SEPTIN9: variants seen among roughly 807,000 people sequenced by gnomAD.
SEPTIN9 encodes the protein septin 9, also known as septin-9.
In SEPTIN9, 13 loss-of-function variants were observed where a neutral mutation model predicts 56.6. That is an observed-to-expected ratio of 0.23 (90% CI 0.15 to 0.37). The LOEUF (loss-of-function observed/expected upper bound fraction) is 0.37, where lower values mean the gene tolerates loss of function less well. SEPTIN9 is among the 10% of genes least tolerant of loss of function. The pLI is 1.00. For synonymous variants in SEPTIN9, 332 were observed against 334.1 expected (o/e 0.99, Z 0.07); for missense variants, 650 against 823.1 (o/e 0.79, Z 2.57).
chr17:77,500,365 C>G lies in SEPTIN9; in HGVS notation c.*1707C>G, dbSNP rs952379040. The G allele has an allele frequency of 3.3e-5, 5 of 151,108 alleles. No homozygotes were observed. Among genetic ancestry groups the G allele is most frequent in the Admixed American group, 6.8e-5 (1 of 14,640 alleles). 9.4% of individuals were successfully genotyped at this position (151,108 alleles called of 1,614,324 possible). ...CCAGGCCATGTGGCCTGCCCAGCCT[C>G]AATGTCACTTGGTGGCGGGGTGGGG... On this transcript the variant is annotated 3_prime_UTR_variant, in exon 12 of 12. Transcript: ENST00000427177.
In SEPTIN9 at chr17:77,400,649, C is replaced by T; in HGVS notation, c.77-1410C>T. Reference sequence around the variant, plus strand: ...GCTATTATTGGGGGCTGGGGACCAGCTGTCATCCCTTTTCCTGTGGGCAGG... The same window carrying T: ...GCTATTATTGGGGGCTGGGGACCAGTTGTCATCCCTTTTCCTGTGGGCAGG... On this transcript the variant is annotated intron_variant, in intron 2 of 11. Coordinates refer to ENST00000427177, the MANE Select transcript of SEPTIN9 (RefSeq NM_001113491.2). The surrounding 1 kb of genome is among the most constrained non-coding windows in gnomAD (Gnocchi z 4.1). 1 of 152,510 alleles carries T rather than the reference C, an allele frequency of 6.6e-6. No homozygotes were observed. The highest frequency in any genetic ancestry group is 1.5e-5 in the Non-Finnish European group (1 of 68,174). The allele number at this position is 152,510 out of a possible 1,614,324, so 9.4% of individuals were successfully genotyped here.
At chr17:77,481,363 C>T (rs1055477985) in intron 3 of SEPTIN9, among the ~76,000 whole-genome samples, 3 of 152,024 alleles carry the variant, frequency 2.0e-5, no homozygotes, top group Admixed American at 6.5e-5. Flanking sequence ...ACAAGACGGC[C>T]GCCTGGGTCA....
At chr17:77,365,447 TTTTC>T (rs1260525294) in intron 2 of SEPTIN9, among the ~76,000 whole-genome samples, 1 of 152,104 alleles carries the variant, frequency 6.6e-6, no homozygotes, top group African/African-American at 2.4e-5. Flanking sequence ...CTTTCCTATC[TTTTC>T]TTTCTCTCTC....
intron 2 of SEPTIN9, among the ~76,000 whole-genome samples, chr17:77,385,482 G>C (rs543998447): frequency 6.6e-6 from 1 of 151,984 alleles, no homozygotes; most frequent in African/African-American, 2.4e-5. Context: ...GCCTCCCAAG[G>C]TTCCAGGATT....
At position 77,450,223 on chromosome 17, in the gene SEPTIN9, G is replaced by A. The variant is rs1008751385; in HGVS notation, c.722-31921G>A. On this transcript the variant is annotated intron_variant, in intron 3 of 11. Transcript: ENST00000427177. This position sits in a 1 kb window ranked among gnomAD's most constrained non-coding sequence, Gnocchi z 6.0. Reference sequence around the variant, plus strand: ...ACTGCTGGCTGGGGAGCCGCTGGACGTGGCTGGCCTGTTTGGCCAGTGTGG... The same window carrying A: ...ACTGCTGGCTGGGGAGCCGCTGGACATGGCTGGCCTGTTTGGCCAGTGTGG... Among the ~76,000 whole-genome samples, 3 of 152,152 alleles carry A rather than the reference G, an allele frequency of 2.0e-5. No homozygotes were observed. The highest frequency in any genetic ancestry group is 4.4e-5 in the Non-Finnish European group (3 of 68,004).
chr17:77,492,970 C>G lies in SEPTIN9; in HGVS notation c.1477-10C>G, dbSNP rs556203857. On this transcript the variant is annotated splice_polypyrimidine_tract_variant and intron_variant, in intron 9 of 11. Coordinates refer to ENST00000427177, the MANE Select transcript of SEPTIN9 (RefSeq NM_001113491.2). The surrounding 1 kb of genome is among the most constrained non-coding windows in gnomAD (Gnocchi z 5.4). ...ACATGTGTAACCAATACCGTCTGCC[C>G]GTTCCCCAGGAGATGATCCCATTTG... 6.4e-7 allele frequency: 1 copy of G among 1,559,800 alleles called. No homozygotes were observed. The highest frequency in any genetic ancestry group is 8.7e-7 in the Non-Finnish European group (1 of 1,151,592).
chr17:77,312,436 CT>C (rs1390744259), intron 2 of SEPTIN9, among the ~76,000 whole-genome samples: 7 of 152,308 alleles, frequency 4.6e-5, no homozygotes, highest in Admixed American at 6.5e-5. Flanking sequence ...CGGGCCCCCC[CT>C]GGATGGGTTG....
chr17:77,331,217 TAAA>T (rs1172525776), intron 2 of SEPTIN9, among the ~76,000 whole-genome samples: 4 of 152,012 alleles, frequency 2.6e-5, no homozygotes, highest in Non-Finnish European at 4.4e-5. Context: ...ATAATAATAA[TAAA>T]AACTACAGCT....
intron 2 of SEPTIN9, among the ~76,000 whole-genome samples, chr17:77,387,275 G>A (rs534099679): frequency 1.2e-4 from 18 of 152,334 alleles, no homozygotes; most frequent in Non-Finnish European, 2.5e-4. Context: ...GCATGTAGAT[G>A]CGTCACGCCA....
In SEPTIN9 at chr17:77,492,118, G is replaced by A. The variant is rs1323739489; in HGVS notation, c.1381-503G>A. 5.3e-5 allele frequency among the ~76,000 whole-genome samples: 8 copies of A among 152,200 alleles called. No individual in the cohort carries two copies. Among genetic ancestry groups the A allele is most frequent in the African/African-American group, 1.9e-4 (8 of 41,450 alleles). On this transcript the variant is annotated intron_variant, in intron 8 of 11. Transcript: ENST00000427177. This position sits in a 1 kb window ranked among gnomAD's most constrained non-coding sequence, Gnocchi z 5.4. ...GGGGAAGACAGTCCACACAAAGTGGGTGTGTCTGCCGGAGGCTACACACGG... is the reference window on the plus strand; with the variant it reads ...GGGGAAGACAGTCCACACAAAGTGGATGTGTCTGCCGGAGGCTACACACGG...
intron 2 of SEPTIN9, among the ~76,000 whole-genome samples, chr17:77,343,003 G>GTCTGTCTGTCTGTCTA (rs71160228): frequency 2.0e-3 from 293 of 147,252 alleles, no homozygotes; most frequent in African/African-American, 6.8e-3. Flanking sequence ...CTGTCTGTCT[G>GTCTGTCTGTCTGTCTA]TCTATCTATC....
At chr17:77,491,970 G>A (rs1242420137) in intron 8 of SEPTIN9, among the ~76,000 whole-genome samples, 1 of 152,150 alleles carries the variant, frequency 6.6e-6, no homozygotes, top group Admixed American at 6.5e-5. Context: ...CACATGGGGT[G>A]CCTTTCAAAA....
At chr17:77,489,279 G>A (rs1228867896) in intron 7 of SEPTIN9, among the ~76,000 whole-genome samples, 1 of 152,198 alleles carries the variant, frequency 6.6e-6, no homozygotes, top group Non-Finnish European at 1.5e-5. Context: ...TTCTTAGACG[G>A]GAAGCACAGA....
intron 2 of SEPTIN9, among the ~76,000 whole-genome samples, chr17:77,359,117 GTTA>G (rs1393912076): frequency 2.0e-5 from 3 of 152,186 alleles, no homozygotes; most frequent in African/African-American, 7.2e-5. Flanking sequence ...TGACCTGAAA[GTTA>G]AACACTTCAG....
At chr17:77,489,601 T>G (rs1357964075) in intron 7 of SEPTIN9, among the ~76,000 whole-genome samples, 1 of 151,962 alleles carries the variant, frequency 6.6e-6, no homozygotes, top group Non-Finnish European at 1.5e-5. Flanking sequence ...GTGGAGAAGG[T>G]CCTTCGCACC....
intron 3 of SEPTIN9, among the ~76,000 whole-genome samples, chr17:77,468,644 C>T (rs1598423346): frequency 6.6e-6 from 1 of 152,190 alleles, no homozygotes; most frequent in South Asian, 2.1e-4. Flanking sequence ...TGCTCAGGGT[C>T]ACACAGCACG....
rs371680069 is a variant in SEPTIN9 at position 77,464,639 on chromosome 17, C to T, written c.722-17505C>T. 4.6e-3 allele frequency among the ~76,000 whole-genome samples: 683 copies of T among 148,884 alleles called. 3 individuals are homozygous for T. The highest frequency in any genetic ancestry group is 0.014 in the Middle Eastern group (4 of 286). Reference sequence around the variant, plus strand: ...TTTTTGAGACGGAGTCTCGCTCTGTCGCCCAGGCTGGAGTGCAGTGGCGCG... The same window carrying T: ...TTTTTGAGACGGAGTCTCGCTCTGTTGCCCAGGCTGGAGTGCAGTGGCGCG... On this transcript the variant is annotated intron_variant, in intron 3 of 11. Coordinates refer to ENST00000427177, the MANE Select transcript of SEPTIN9 (RefSeq NM_001113491.2).
At chr17:77,336,912 G>A (rs1034867051) in intron 2 of SEPTIN9, among the ~76,000 whole-genome samples, 1 of 150,164 alleles carries the variant, frequency 6.7e-6, no homozygotes, top group African/African-American at 2.5e-5. Flanking sequence ...TTTAGTAAAT[G>A]CTTTTTCTGC....
chr17:77,356,282 C>T (rs2034235108), intron 2 of SEPTIN9, among the ~76,000 whole-genome samples: 1 of 152,166 alleles, frequency 6.6e-6, no homozygotes, highest in African/African-American at 2.4e-5. Context: ...GGCATGGCCT[C>T]CAGCCCCATC....
Sources: gnomAD v4.1 joint callset for allele counts (sites outside exome capture counted in the v4.1 genomes callset) on GRCh38, gnomAD v4.1.1 for gene constraint, Gnocchi (gnomAD v3.1) non-coding constraint, MANE v1.5 for transcripts, NCBI Gene and HGNC (gene_info 2026-07-23, HGNC 2026-07-21) for gene names.